Variants in EPSTI1 observed in about 807,000 individuals in gnomAD.
The protein encoded by EPSTI1 is epithelial-stromal interaction protein 1.
EPSTI1 carries 66 observed loss-of-function variants against 49.9 expected under a neutral mutation model. The observed-to-expected ratio is 1.32, with a 90% CI of 1.08 to 1.62. EPSTI1 has a LOEUF of 1.62. Ranked by LOEUF, EPSTI1 falls within the 40% of genes most tolerant of loss-of-function variation. The probability of loss-of-function intolerance (pLI) is 0.00; values close to 1 mark genes in which losing one functional copy is unlikely to be tolerated. For missense variants in EPSTI1, 394 were observed against 365.5 expected, an observed-to-expected ratio of 1.08 and a Z score of -0.64; for synonymous variants, 137 against 130.7, an observed-to-expected ratio of 1.05 and a Z score of -0.33.
chr13:42,889,248 A>AAAAT, intron 10 of EPSTI1: 1 of 1,514,986 alleles, frequency 6.6e-7, no homozygotes, highest in Non-Finnish European at 8.9e-7. Context: ...GAACCCTAGA[A>AAAAT]AAATAAAAAA....
At chr13:42,968,921 TACACACAC>T (rs71970864) in intron 3 of EPSTI1, among the ~76,000 whole-genome samples, 165 bp downstream of exon 3, 9,348 of 117,462 alleles carry the variant, frequency 0.08, 451 homozygotes, top group Non-Finnish European at 0.12. Flanking sequence ...AAAAAAAAAA[TACACACAC>T]ACACACACAC....
intron 6 of EPSTI1, among the ~76,000 whole-genome samples, chr13:42,928,368 T>A (rs757847448): frequency 6.6e-6 from 1 of 152,154 alleles, no homozygotes; most frequent in African/African-American, 2.4e-5. Flanking sequence ...TAGAACCTGT[T>A]TGAGGGGCAA....
At chr13:42,946,707 A>G (rs183636384) in intron 6 of EPSTI1, among the ~76,000 whole-genome samples, 290 of 152,282 alleles carry the variant, frequency 1.9e-3, no homozygotes, top group Non-Finnish European at 3.2e-3. Context: ...AGTCCTCTCC[A>G]CAGGTAGCCT....
chr13:42,922,228 T>A lies in EPSTI1; in HGVS notation c.657+4108A>T, dbSNP rs531514401. On this transcript the variant is annotated intron_variant, in intron 7 of 10. Transcript: ENST00000313624. The surrounding 1 kb of genome is among the most constrained non-coding windows in gnomAD (Gnocchi z 4.8). Reference sequence around the variant, plus strand: ...GGAGCTAACTAAGAAAAGAAACAGGTGGTGGGTTGCATAATGGCCCCCCAA... The same window carrying A: ...GGAGCTAACTAAGAAAAGAAACAGGAGGTGGGTTGCATAATGGCCCCCCAA... Among the ~76,000 whole-genome samples, 111 of 152,208 alleles carry A rather than the reference T, an allele frequency of 7.3e-4. 1 individual carries two copies. Among genetic ancestry groups the A allele is most frequent in the African/African-American group, 2.6e-3 (107 of 41,546 alleles).
At chr13:42,962,368 T>A (rs2039476754) in intron 5 of EPSTI1, among the ~76,000 whole-genome samples, 1 of 151,834 alleles carries the variant, frequency 6.6e-6, no homozygotes, top group Non-Finnish European at 1.5e-5. Flanking sequence ...ATGGGAAGGG[T>A]CTACAGATCA....
At position 42,888,503 on chromosome 13, in the gene EPSTI1, C is replaced by G; in HGVS notation, c.916-1G>C. On this transcript the variant is annotated splice_acceptor_variant, in intron 10 of 10. Transcript: ENST00000313624. LOFTEE classifies it high-confidence loss of function. ...AGGAGTCAATATTTTCTCATATACC[C>G]TGGAAGAAAAAGAAAACAAAAATTA... 6.3e-7 allele frequency: 1 copy of G among 1,584,212 alleles called. No individual in the cohort carries two copies. Among genetic ancestry groups the G allele is most frequent in the Non-Finnish European group, 8.6e-7 (1 of 1,167,180 alleles).
chr13:42,951,003 A>G (rs1175450850), intron 6 of EPSTI1, among the ~76,000 whole-genome samples: 1 of 152,122 alleles, frequency 6.6e-6, no homozygotes, highest in African/African-American at 2.4e-5. Flanking sequence ...CTAAAAATAT[A>G]AAAATTCATT....
chr13:42,979,432 A>T (rs1019091490), intron 1 of EPSTI1, among the ~76,000 whole-genome samples: 5 of 151,964 alleles, frequency 3.3e-5, no homozygotes, highest in African/African-American at 1.2e-4. Flanking sequence ...CAAAAAAAAA[A>T]TTAGCCGGGC....
chr13:42,985,770 G>A (rs2040066563), intron 1 of EPSTI1, among the ~76,000 whole-genome samples: 1 of 152,218 alleles, frequency 6.6e-6, no homozygotes, highest in Non-Finnish European at 1.5e-5. Flanking sequence ...GCTTGCAGCA[G>A]CAATCATTAA....
chr13:42,943,884 A>T (rs553004917), intron 6 of EPSTI1, among the ~76,000 whole-genome samples: 3 of 152,224 alleles, frequency 2.0e-5, no homozygotes, highest in Admixed American at 6.5e-5. Context: ...TTCTCAAAAG[A>T]AGACATTTAT....
At chr13:42,934,744 C>A in intron 6 of EPSTI1, 1 of 183,702 alleles carries the variant, frequency 5.4e-6, no homozygotes. Flanking sequence ...GACTGGGCCC[C>A]ATGCCAGCAT....
intron 6 of EPSTI1, chr13:42,934,525 T>C (rs2038491961): frequency 6.6e-6 from 1 of 152,190 alleles, no homozygotes; most frequent in African/African-American, 2.4e-5. Context: ...TGTACTAGAC[T>C]TACACTGATG....
chr13:42,991,928 T>C (rs746172510), intron 1 of EPSTI1, 50 bp downstream of exon 1: 1 of 1,605,522 alleles, frequency 6.2e-7, no homozygotes, highest in East Asian at 2.2e-5. Context: ...TGAGTGAGTA[T>C]GTTTGGGGCC....
rs1416617944 is a variant in EPSTI1 at position 42,946,349 on chromosome 13, A to T, written c.563+7599T>A. Reference sequence around the variant, plus strand: ...TGGTGCAAGGCAATTTAGAAATAGGAAGACCCTATTTTGGAATGCGCTTGG... The same window carrying T: ...TGGTGCAAGGCAATTTAGAAATAGGTAGACCCTATTTTGGAATGCGCTTGG... On this transcript the variant is annotated intron_variant, in intron 6 of 10. Coordinates refer to ENST00000313624, the MANE Select transcript of EPSTI1 (RefSeq NM_033255.5). 2.0e-5 allele frequency among the ~76,000 whole-genome samples: 3 copies of T among 152,164 alleles called. No homozygotes were observed. In the East Asian group the frequency reaches 5.8e-4, roughly 29 times the overall value.
intron 9 of EPSTI1, among the ~76,000 whole-genome samples, chr13:42,898,680 G>A (rs2037266886): frequency 6.6e-6 from 1 of 152,028 alleles, no homozygotes; most frequent in Non-Finnish European, 1.5e-5. Flanking sequence ...TAACAAAAAA[G>A]TTATCTTTTC....
intron 1 of EPSTI1, among the ~76,000 whole-genome samples, chr13:42,983,563 C>CAAAAAAAAAAAAAAAAAAA (rs56259281): frequency 2.3e-4 from 22 of 95,496 alleles, no homozygotes; most frequent in African/African-American, 3.3e-4. Context: ...GACTCCATCT[C>CAAAAAAAAAAAAAAAAAAA]AAAAAAAAAA....
At chr13:42,891,955 C>T (rs1167816156) in intron 10 of EPSTI1, among the ~76,000 whole-genome samples, 1 of 152,186 alleles carries the variant, frequency 6.6e-6, no homozygotes, top group Non-Finnish European at 1.5e-5. Flanking sequence ...AAGGGGACTG[C>T]AGGAGCCAGG....
At position 42,919,308 on chromosome 13, in the gene EPSTI1, G is replaced by A. The variant is rs1368608943; in HGVS notation, c.658-1684C>T. Reference sequence around the variant, plus strand: ...TCCTAATGTTTGCTTACCCAGCTGTGATCCCTAGGCAGGATAGGAAGTTTC... The same window carrying A: ...TCCTAATGTTTGCTTACCCAGCTGTAATCCCTAGGCAGGATAGGAAGTTTC... On this transcript the variant is annotated intron_variant, in intron 7 of 10. Transcript: ENST00000313624. The A allele has an allele frequency of 6.2e-7, 1 of 1,613,634 alleles. No individual in the cohort carries two copies.
At position 42,922,378 on chromosome 13, in the gene EPSTI1, A is replaced by G. The variant is rs2038031221; in HGVS notation, c.657+3958T>C. Among the ~76,000 whole-genome samples the G allele has an allele frequency of 6.6e-6, 1 of 152,146 alleles. No homozygotes were observed. Among genetic ancestry groups the G allele is most frequent in the Non-Finnish European group, 1.5e-5 (1 of 68,032 alleles). On this transcript the variant is annotated intron_variant, in intron 7 of 10. Coordinates refer to ENST00000313624, the MANE Select transcript of EPSTI1 (RefSeq NM_033255.5). This position sits in a 1 kb window ranked among gnomAD's most constrained non-coding sequence, Gnocchi z 4.8. Reference sequence around the variant, plus strand: ...TCCAGGTGGGCCCATTGTAATCAAAAGGGTCATTATAAGAGGAAGGCAGAA... The same window carrying G: ...TCCAGGTGGGCCCATTGTAATCAAAGGGGTCATTATAAGAGGAAGGCAGAA...
Sources: gnomAD v4.1 joint callset for allele counts (sites outside exome capture counted in the v4.1 genomes callset) on GRCh38, gnomAD v4.1.1 for gene constraint, Gnocchi (gnomAD v3.1) non-coding constraint, MANE v1.5 for transcripts, NCBI Gene and HGNC (gene_info 2026-07-23, HGNC 2026-07-21) for gene names.